LRRC8D: variants seen among roughly 807,000 people sequenced by gnomAD.
LRRC8D encodes leucine rich repeat containing 8 VRAC subunit D.
Under a neutral mutation model 55.8 loss-of-function variants are expected in LRRC8D, and 20 were observed. The observed-to-expected ratio is 0.36, with a 90% CI of 0.25 to 0.52. The LOEUF is 0.52. Among genes scored for constraint, LRRC8D ranks in the 20% least tolerant of loss-of-function variants. The pLI is 0.93. For missense variants in LRRC8D, 651 were observed against 1,030.8 expected, an observed-to-expected ratio of 0.63 and a Z score of 5.05; for synonymous variants, 352 against 377.0, an observed-to-expected ratio of 0.93 and a Z score of 0.77.
chr1:89,900,154 G>T (rs1662814972), intron 2 of LRRC8D, among the ~76,000 whole-genome samples: 1 of 152,150 alleles, frequency 6.6e-6, no homozygotes, highest in Admixed American at 6.5e-5. Context: ...TTCCAGGAAG[G>T]CTTACCATAG....
At position 89,838,960 on chromosome 1, in the gene LRRC8D, G is replaced by A. The variant is rs1661068384; in HGVS notation, c.-147-4678G>A. 2.6e-5 allele frequency among the ~76,000 whole-genome samples: 4 copies of A among 152,096 alleles called. No homozygotes were observed. In the South Asian group the frequency reaches 8.3e-4, roughly 32 times the overall value. On this transcript the variant is annotated intron_variant, in intron 1 of 2. Transcript: ENST00000337338. ...TACCAAAATCTGGCGAGGTGATGAGGGTGTATGATGCACTTGAGAGAGAGC... is the reference window on the plus strand; with the variant it reads ...TACCAAAATCTGGCGAGGTGATGAGAGTGTATGATGCACTTGAGAGAGAGC...
intron 1 of LRRC8D, among the ~76,000 whole-genome samples, chr1:89,834,398 T>C (rs1436505988): frequency 6.6e-6 from 1 of 152,236 alleles, no homozygotes; most frequent in Admixed American, 6.5e-5. Flanking sequence ...TCTATTCTTA[T>C]ATCAGCCATG....
At chr1:89,827,410 G>A (rs111846245) in intron 1 of LRRC8D, among the ~76,000 whole-genome samples, 5 of 151,624 alleles carry the variant, frequency 3.3e-5, no homozygotes, top group Admixed American at 6.6e-5. Context: ...AGTTTTCACT[G>A]TGTTTTTTCC....
chr1:89,908,846 T>C (rs1224791393), intron 2 of LRRC8D, among the ~76,000 whole-genome samples: 1 of 152,178 alleles, frequency 6.6e-6, no homozygotes, highest in Non-Finnish European at 1.5e-5. Context: ...TCAGAGGAAA[T>C]GAAGGATGAT....
At chr1:89,931,351 A>G (rs553039516) in intron 2 of LRRC8D, among the ~76,000 whole-genome samples, 1 of 151,688 alleles carries the variant, frequency 6.6e-6, no homozygotes, top group Non-Finnish European at 1.5e-5. Context: ...ACCTTTCTTC[A>G]TTGTGTCATC....
intron 1 of LRRC8D, among the ~76,000 whole-genome samples, chr1:89,835,514 A>G (rs1189121685): frequency 6.6e-6 from 1 of 152,180 alleles, no homozygotes; most frequent in Non-Finnish European, 1.5e-5. Flanking sequence ...CCCCTGTGCT[A>G]GATTTCTCCT....
chr1:89,840,268 A>AGAAACACTTCTGCAT, intron 1 of LRRC8D, among the ~76,000 whole-genome samples: 1 of 152,374 alleles, frequency 6.6e-6, no homozygotes, highest in South Asian at 2.1e-4. Context: ...GCTATGAGAA[A>AGAAACACTTCTGCAT]GAAACACTTC....
chr1:89,856,190 T>G (rs1938033), intron 2 of LRRC8D, among the ~76,000 whole-genome samples: 86,954 of 151,984 alleles, frequency 0.57, 26,754 homozygotes, highest in East Asian at 0.77. Context: ...CTGACTTTTT[T>G]TATCTGTTTA....
intron 2 of LRRC8D, among the ~76,000 whole-genome samples, chr1:89,865,282 C>T (rs945368864): frequency 6.7e-6 from 1 of 148,842 alleles, no homozygotes; most frequent in Non-Finnish European, 1.5e-5. Context: ...AAAAACCATT[C>T]TTGTTGATTA....
intron 2 of LRRC8D, among the ~76,000 whole-genome samples, chr1:89,888,840 T>C (rs1662488465): frequency 6.6e-6 from 1 of 152,164 alleles, no homozygotes; most frequent in Non-Finnish European, 1.5e-5. Flanking sequence ...AAAGTAGTAA[T>C]GAACTGTAAC....
intron 1 of LRRC8D, among the ~76,000 whole-genome samples, chr1:89,838,793 T>C (rs889461479): frequency 6.6e-6 from 1 of 152,214 alleles, no homozygotes; most frequent in Non-Finnish European, 1.5e-5. Flanking sequence ...CACAGTTTGA[T>C]CAGTGGATCA....
intron 2 of LRRC8D, among the ~76,000 whole-genome samples, chr1:89,861,575 C>T (rs898252174): frequency 1.3e-5 from 2 of 152,212 alleles, no homozygotes; most frequent in Non-Finnish European, 1.5e-5. Context: ...GCATCACTGT[C>T]CATGTCACAT....
At chr1:89,912,798 C>T (rs1457792969) in intron 2 of LRRC8D, among the ~76,000 whole-genome samples, 1 of 151,746 alleles carries the variant, frequency 6.6e-6, no homozygotes, top group Admixed American at 6.6e-5. Context: ...ACTTTAAGTC[C>T]TTAGTGTTTA....
chr1:89,886,380 TTAAG>T (rs969050012), intron 2 of LRRC8D, among the ~76,000 whole-genome samples: 2 of 152,182 alleles, frequency 1.3e-5, no homozygotes, highest in Admixed American at 1.3e-4. Flanking sequence ...TCTTAGAAGT[TTAAG>T]TAGTGGAAGA....
chr1:89,874,927 G>T (rs921038935), intron 2 of LRRC8D, among the ~76,000 whole-genome samples: 2 of 152,122 alleles, frequency 1.3e-5, no homozygotes, highest in African/African-American at 4.8e-5. Context: ...CATTGCAGTA[G>T]TTCCTATACA....
At chr1:89,886,945 G>GTTTTTAAAAATGTTTTAAAAAGACA (rs1662434578) in intron 2 of LRRC8D, among the ~76,000 whole-genome samples, 2 of 152,050 alleles carry the variant, frequency 1.3e-5, no homozygotes, top group Non-Finnish European at 2.9e-5. Flanking sequence ...GCATTTTAAT[G>GTTTTTAAAAATGTTTTAAAAAGACA]TTTTTAAAAA....
At chr1:89,930,469 G>A (rs565437713) in intron 2 of LRRC8D, among the ~76,000 whole-genome samples, 1 of 152,216 alleles carries the variant, frequency 6.6e-6, no homozygotes, top group African/African-American at 2.4e-5. Context: ...TGGGATTATA[G>A]GCATGAGCCA....
At chr1:89,862,791 T>C (rs916732568) in intron 2 of LRRC8D, among the ~76,000 whole-genome samples, 6 of 152,310 alleles carry the variant, frequency 3.9e-5, no homozygotes, top group Middle Eastern at 3.4e-3. Context: ...TACCTGAGTA[T>C]TGGGGGAACA....
intron 2 of LRRC8D, among the ~76,000 whole-genome samples, chr1:89,886,106 T>A (rs1236957842): frequency 6.6e-6 from 1 of 152,206 alleles, no homozygotes; most frequent in Non-Finnish European, 1.5e-5. Context: ...ATATTATACC[T>A]CATCCATAAT....
Sources: gnomAD v4.1 joint callset for allele counts (sites outside exome capture counted in the v4.1 genomes callset) on GRCh38, gnomAD v4.1.1 for gene constraint, MANE v1.5 for transcripts, NCBI Gene and HGNC (gene_info 2026-07-23, HGNC 2026-07-21) for gene names.